Variants in CNTN4 observed in about 807,000 individuals in gnomAD.
The protein encoded by CNTN4 is contactin 4.
In CNTN4, 77 loss-of-function variants were observed where a neutral mutation model predicts 122.5. The ratio of observed to expected loss-of-function variants is 0.63; its 90% confidence interval spans 0.52 to 0.76. The LOEUF (loss-of-function observed/expected upper bound fraction) is 0.76. Among genes scored for constraint, CNTN4 ranks in the 30% least tolerant of loss-of-function variants. The pLI is 0.00. For missense variants in CNTN4, 1,256 were observed against 1,259.1 expected, an observed-to-expected ratio of 1.00 and a Z score of 0.04; for synonymous variants, 512 against 447.0, an observed-to-expected ratio of 1.15 and a Z score of -1.83.
At chr3:3,050,763 CAAAAAAAA>C (rs1184756504) in intron 23 of CNTN4, among the ~76,000 whole-genome samples, 3 of 85,038 alleles carry the variant, frequency 3.5e-5, no homozygotes, top group African/African-American at 1.7e-4. Context: ...AACTCCGTCT[CAAAAAAAA>C]AAAAAAAAAA....
At chr3:2,655,656 C>A (rs140813893) in intron 4 of CNTN4, among the ~76,000 whole-genome samples, 61 of 152,196 alleles carry the variant, frequency 4.0e-4, no homozygotes, top group African/African-American at 1.4e-3. Flanking sequence ...TAGTGACATA[C>A]CTGACTTCTC....
At chr3:2,882,519 A>G (rs570631833) in intron 8 of CNTN4, among the ~76,000 whole-genome samples, 149 of 152,322 alleles carry the variant, frequency 9.8e-4, no homozygotes, top group African/African-American at 3.4e-3. Flanking sequence ...CCCTCCAAAT[A>G]AGTGTGCCAT....
chr3:2,438,981 A>G (rs2048344404), intron 3 of CNTN4, among the ~76,000 whole-genome samples: 1 of 152,190 alleles, frequency 6.6e-6, no homozygotes. Context: ...GCAAGTGCAA[A>G]CTAGGATAGT....
chr3:2,225,011 G>GCA (rs2039218079), intron 2 of CNTN4, among the ~76,000 whole-genome samples: 2 of 151,450 alleles, frequency 1.3e-5, no homozygotes, highest in Admixed American at 1.3e-4. Context: ...TTAGCCGGTT[G>GCA]CGGTGGCGGG....
At chr3:2,124,462 ACACACACACAC>A (rs1223440779) in intron 2 of CNTN4, among the ~76,000 whole-genome samples, 8 of 149,020 alleles carry the variant, frequency 5.4e-5, no homozygotes, top group East Asian at 2.1e-4. Flanking sequence ...ACACACACAC[ACACACACACAC>A]CCCCTTAAGC....
chr3:2,988,570 G>GTGGTATCTGTAC, intron 14 of CNTN4, 98 bp downstream of exon 14: 5 of 1,238,112 alleles, frequency 4.0e-6, no homozygotes, highest in Non-Finnish European at 5.9e-6. Context: ...AATATGTACA[G>GTGGTATCTGTAC]ATACCACTGT....
intron 2 of CNTN4, among the ~76,000 whole-genome samples, chr3:2,288,242 G>A (rs2042011696): frequency 6.6e-6 from 1 of 152,168 alleles, no homozygotes; most frequent in South Asian, 2.1e-4. Context: ...TCTGCAGGTT[G>A]TACAAGAATT....
chr3:2,638,106 G>T (rs907394156), intron 4 of CNTN4, among the ~76,000 whole-genome samples: 2 of 152,166 alleles, frequency 1.3e-5, no homozygotes, highest in Admixed American at 6.5e-5. Context: ...TTTAACAAGT[G>T]ATAATTATTG....
At position 2,431,737 on chromosome 3, in the gene CNTN4, A is replaced by G. The variant is rs529117246; in HGVS notation, c.-89+92504A>G. 1.3e-4 allele frequency among the ~76,000 whole-genome samples: 20 copies of G among 152,304 alleles called. No individual in the cohort carries two copies. In the South Asian group the frequency reaches 2.5e-3, roughly 19 times the overall value. The stretch of plus-strand genomic sequence containing the variant: ...GGAAATTGTATAAGTGTGCAAATTT[A>G]TTATTATGTAGGAAAAGTACAGGAA... On this transcript the variant is annotated intron_variant, in intron 3 of 24. Coordinates refer to ENST00000418658, the MANE Select transcript of CNTN4 (RefSeq NM_175607.3).
At chr3:2,138,151 C>T (rs2034801886) in intron 2 of CNTN4, among the ~76,000 whole-genome samples, 1 of 151,610 alleles carries the variant, frequency 6.6e-6, no homozygotes, top group Non-Finnish European at 1.5e-5. Context: ...ACTGCAACCT[C>T]CACTTCCCGG....
At chr3:2,472,088 G>A (rs886679163) in intron 3 of CNTN4, among the ~76,000 whole-genome samples, 1 of 149,518 alleles carries the variant, frequency 6.7e-6, no homozygotes, top group Admixed American at 6.7e-5. Flanking sequence ...GGTGGTGCAC[G>A]CCTGTAATCC....
intron 8 of CNTN4, among the ~76,000 whole-genome samples, chr3:2,878,627 A>G (rs899820336): frequency 6.6e-6 from 1 of 151,522 alleles, no homozygotes; most frequent in African/African-American, 2.4e-5. Flanking sequence ...AGCTATAAAG[A>G]TGATAGAAAA....
At chr3:3,008,942 G>T (rs1256738728) in intron 14 of CNTN4, 11 of 985,162 alleles carry the variant, frequency 1.1e-5, no homozygotes, top group African/African-American at 1.7e-5. Flanking sequence ...AAAGAAGGGC[G>T]CCAAACCTTG....
chr3:2,217,335 C>G (rs1001275999), intron 2 of CNTN4, among the ~76,000 whole-genome samples: 6 of 152,092 alleles, frequency 3.9e-5, no homozygotes, highest in Admixed American at 6.5e-5. Context: ...TTTCTGACCT[C>G]GAGGGCTGGT....
At chr3:2,683,621 A>G (rs2085279958) in intron 4 of CNTN4, among the ~76,000 whole-genome samples, 1 of 148,600 alleles carries the variant, frequency 6.7e-6, no homozygotes, top group African/African-American at 2.6e-5. Flanking sequence ...GATTAACAGT[A>G]GTATAGTATT....
intron 7 of CNTN4, among the ~76,000 whole-genome samples, chr3:2,865,744 T>A (rs998297040): frequency 3.9e-5 from 6 of 152,210 alleles, no homozygotes; most frequent in African/African-American, 1.4e-4. Flanking sequence ...GCACAATAGT[T>A]CACTGCAGCA....
intron 3 of CNTN4, among the ~76,000 whole-genome samples, chr3:2,446,946 G>A (rs1575650625): frequency 6.6e-6 from 1 of 152,126 alleles, no homozygotes; most frequent in African/African-American, 2.4e-5. Flanking sequence ...GTAAACTGGG[G>A]TAGAGTAGAT....
rs142255499 is a variant in CNTN4 at position 2,531,651 on chromosome 3, T to C, written c.-88-39765T>C. 3.9e-3 allele frequency among the ~76,000 whole-genome samples: 589 copies of C among 152,252 alleles called. 8 individuals are homozygous for C. The highest frequency in any genetic ancestry group is 0.013 in the African/African-American group (533 of 41,566). ...CGCCCTTATTCCATTAAACAGAAAG[T>C]AGTGACTCTTTCCTGACTCTCTTAA... On this transcript the variant is annotated intron_variant, in intron 3 of 24. Coordinates refer to ENST00000418658, the MANE Select transcript of CNTN4 (RefSeq NM_175607.3).
At chr3:2,196,442 G>T (rs1245557367) in intron 2 of CNTN4, among the ~76,000 whole-genome samples, 1 of 152,122 alleles carries the variant, frequency 6.6e-6, no homozygotes, top group Admixed American at 6.5e-5. Flanking sequence ...TAGACTCTTT[G>T]TGCATTTGTT....
Sources: allele counts gnomAD v4.1 joint callset (sites outside exome capture counted in the v4.1 genomes callset), GRCh38; gene constraint gnomAD v4.1.1; transcripts MANE v1.5; gene names NCBI Gene and HGNC (gene_info 2026-07-23, HGNC 2026-07-21).